The following SLC6A6 variants were observed in gnomAD, a reference collection of about 807,000 sequenced individuals.
SLC6A6 encodes solute carrier family 6 member 6.
A neutral mutation model predicts 68.8 loss-of-function variants in SLC6A6; 16 were observed. The observed-to-expected ratio is 0.23, with a 90% CI of 0.16 to 0.35. The LOEUF (loss-of-function observed/expected upper bound fraction) is 0.35, where lower values mean the gene tolerates loss of function less well. Ranked by LOEUF, SLC6A6 falls within the 10% of genes least tolerant of loss-of-function variation. The pLI is 1.00. For synonymous variants in SLC6A6, 312 were observed against 315.4 expected (o/e 0.99, Z 0.12); for missense variants, 474 against 802.8 (o/e 0.59, Z 4.95).
At chr3:14,446,702 T>C (rs1405563841) in intron 4 of SLC6A6, among the ~76,000 whole-genome samples, 2 of 152,238 alleles carry the variant, frequency 1.3e-5, no homozygotes, top group Admixed American at 1.3e-4. Flanking sequence ...ACTTCAATTT[T>C]CTCATCTATG....
At chr3:14,434,240 T>A (rs1010876746) in intron 2 of SLC6A6, among the ~76,000 whole-genome samples, 1 of 152,184 alleles carries the variant, frequency 6.6e-6, no homozygotes, top group Non-Finnish European at 1.5e-5. Context: ...TGGGCCTCTT[T>A]CCATCATCCG....
At chr3:14,455,268 T>C (rs1316518201) in intron 5 of SLC6A6, among the ~76,000 whole-genome samples, 1 of 152,220 alleles carries the variant, frequency 6.6e-6, no homozygotes, top group East Asian at 1.9e-4. Context: ...GCTGGTCAGC[T>C]GCCCCGAACA....
At chr3:14,417,448 C>T (rs143673697) in intron 2 of SLC6A6, among the ~76,000 whole-genome samples, 96 of 151,702 alleles carry the variant, frequency 6.3e-4, no homozygotes, top group African/African-American at 2.3e-3. Context: ...AGAGCAAGGC[C>T]AGGCCGGGCG....
At chr3:14,414,000 G>A (rs973491924) in intron 1 of SLC6A6, among the ~76,000 whole-genome samples, 1 of 151,758 alleles carries the variant, frequency 6.6e-6, no homozygotes, top group African/African-American at 2.4e-5. Flanking sequence ...CACCACACCC[G>A]GCCTAAACTG....
rs766035129 is a variant in SLC6A6 at position 14,457,933 on chromosome 3, T to C, written c.600-17T>C. On this transcript the variant is annotated splice_polypyrimidine_tract_variant and intron_variant, in intron 5 of 14. Coordinates refer to ENST00000622186, the MANE Select transcript of SLC6A6 (RefSeq NM_003043.6). ...GCCAGGCCCCTCACTGACTCCTGGC[T>C]CTGTGTTTGCTTCAAGGCGCAACGT... The C allele has an allele frequency of 6.2e-7, 1 of 1,613,876 alleles. No homozygotes were observed. The highest frequency in any genetic ancestry group is 1.7e-5 in the Admixed American group (1 of 60,028).
At chr3:14,449,362 G>T (rs1361812383) in intron 5 of SLC6A6, among the ~76,000 whole-genome samples, 2 of 152,220 alleles carry the variant, frequency 1.3e-5, no homozygotes, top group East Asian at 3.8e-4. Flanking sequence ...TCGGTTCCCC[G>T]CTCCCTGGGG....
chr3:14,472,918 C>T lies in SLC6A6; in HGVS notation c.1209+601C>T, dbSNP rs1445347789. Among the ~76,000 whole-genome samples the T allele has an allele frequency of 2.0e-5, 3 of 152,216 alleles. No individual in the cohort carries two copies. The highest frequency in any genetic ancestry group is 6.5e-5 in the Admixed American group (1 of 15,290). On this transcript the variant is annotated intron_variant, in intron 10 of 14. Transcript: ENST00000622186. The surrounding 1 kb of genome is among the most constrained non-coding windows in gnomAD (Gnocchi z 4.5). The stretch of plus-strand genomic sequence containing the variant: ...TATACACCGCACAGGCCGGGAGCCT[C>T]GCTCAAACCCGCCCTGACCTCTGGC...
At position 14,484,940 on chromosome 3, in the gene SLC6A6, A is replaced by C; in HGVS notation, c.1796A>C (p.Asn599Thr). 6.2e-7 allele frequency: 1 copy of C among 1,612,086 alleles called. No homozygotes were observed. The highest frequency in any genetic ancestry group is 8.5e-7 in the Non-Finnish European group (1 of 1,179,788). ...GAGCGCGAGGGAGCCACACCTTACA[A>C]CTCTCGCACCGTCATGAACGGCGCT... ...AVEREGATPY[N>T]SRTVMNGALV... is the part of the protein sequence containing the mutation. Residue 599 changes from asparagine to threonine, a missense_variant, in exon 15 of 15, where the codon AAC becomes ACC. This residue lies in a region of SLC6A6 where 194 missense variants were observed against 269.8 expected (regional missense o/e 0.72). Transcript: ENST00000622186.
intron 5 of SLC6A6, among the ~76,000 whole-genome samples, chr3:14,455,306 T>C (rs1438896971): frequency 2.6e-5 from 4 of 152,124 alleles, no homozygotes; most frequent in African/African-American, 9.7e-5. Context: ...CCCATCAGTA[T>C]TGGGCACCAC....
At chr3:14,431,091 G>A (rs1214983350) in intron 2 of SLC6A6, among the ~76,000 whole-genome samples, 4 of 136,220 alleles carry the variant, frequency 2.9e-5, no homozygotes, top group South Asian at 2.4e-4. Context: ...AATGGACATC[G>A]TTTAATGAAA....
At chr3:14,451,669 G>A (rs921481651) in intron 5 of SLC6A6, among the ~76,000 whole-genome samples, 2 of 152,206 alleles carry the variant, frequency 1.3e-5, no homozygotes, top group Non-Finnish European at 2.9e-5. Flanking sequence ...AAGAGAGGCT[G>A]GATGTATGCT....
At chr3:14,403,487 G>A (rs1363850966) in intron 1 of SLC6A6, among the ~76,000 whole-genome samples, 3 of 152,180 alleles carry the variant, frequency 2.0e-5, no homozygotes, top group Admixed American at 2.0e-4. Flanking sequence ...CCAAGAGGGT[G>A]TCCCTGGTGC....
chr3:14,482,850 T>C (rs906628933), intron 14 of SLC6A6, among the ~76,000 whole-genome samples: 9 of 152,146 alleles, frequency 5.9e-5, no homozygotes, highest in Admixed American at 1.3e-4. Flanking sequence ...CCCTATGAGC[T>C]GTTAACAGAC....
chr3:14,463,784 C>T (rs1038647973), intron 6 of SLC6A6, among the ~76,000 whole-genome samples: 1 of 152,182 alleles, frequency 6.6e-6, no homozygotes, highest in Non-Finnish European at 1.5e-5. Context: ...ATGACGGTGG[C>T]TGGAGAAACT....
intron 2 of SLC6A6, among the ~76,000 whole-genome samples, chr3:14,434,924 C>T (rs945838133): frequency 8.5e-5 from 13 of 152,312 alleles, no homozygotes; most frequent in Middle Eastern, 3.4e-3. Context: ...TGGACCCAGT[C>T]CCCAGACCTT....
intron 6 of SLC6A6, among the ~76,000 whole-genome samples, chr3:14,465,072 C>CT (rs1459669979): frequency 6.6e-6 from 1 of 152,212 alleles, no homozygotes; most frequent in Non-Finnish European, 1.5e-5. Flanking sequence ...ATGAAGTGGG[C>CT]TTGTGCCTGG....
chr3:14,423,002 G>T (rs1054633921), intron 2 of SLC6A6, among the ~76,000 whole-genome samples: 1 of 152,202 alleles, frequency 6.6e-6, no homozygotes, highest in African/African-American at 2.4e-5. Flanking sequence ...ACCAGATTCT[G>T]ATGAGGAATC....
At chr3:14,473,171 C>T (rs758778528) in intron 10 of SLC6A6, among the ~76,000 whole-genome samples, 23 of 152,194 alleles carry the variant, frequency 1.5e-4, no homozygotes, top group Non-Finnish European at 3.1e-4. Flanking sequence ...CACTTGAGCT[C>T]CTGGGCCCCT....
intron 2 of SLC6A6, among the ~76,000 whole-genome samples, chr3:14,423,828 T>C (rs2124914428): frequency 6.6e-6 from 1 of 152,302 alleles, no homozygotes; most frequent in Middle Eastern, 3.4e-3. Flanking sequence ...GGGTGATTTA[T>C]TCACATTTAA....
Sources: gnomAD v4.1 joint callset for allele counts (sites outside exome capture counted in the v4.1 genomes callset) on GRCh38, gnomAD v4.1.1 for gene constraint, gnomAD v4.1.1 regional missense constraint, Gnocchi (gnomAD v3.1) non-coding constraint, MANE v1.5 for transcripts, NCBI Gene and HGNC (gene_info 2026-07-23, HGNC 2026-07-21) for gene names.